Variants in ODR4 observed in about 807,000 individuals in gnomAD.
ODR4 encodes odr-4 GPCR localization factor homolog.
In ODR4, 47 loss-of-function variants were observed where a neutral mutation model predicts 60.2. The observed-to-expected ratio is 0.78, with a 90% confidence interval of 0.62 to 1.00. The LOEUF is 1.00. Ranked by LOEUF, ODR4 falls within the 50% of genes least tolerant of loss-of-function variation. The pLI, the probability that ODR4 is intolerant of heterozygous loss-of-function variation, is 0.00. For missense variants in ODR4, 488 were observed against 530.8 expected, an observed-to-expected ratio of 0.92 and a Z score of 0.79; for synonymous variants, 178 against 175.5, an observed-to-expected ratio of 1.01 and a Z score of -0.11.
At chr1:186,421,509 A>G (rs532712329), downstream of ODR4, 1 of 152,310 alleles carries the variant, frequency 6.6e-6, no homozygotes, top group Non-Finnish European at 1.5e-5. Context: ...GTTTAACCTT[A>G]AAATTGACTA....
At chr1:186,417,846 C>T (rs902664032) in intron 13 of ODR4, among the ~76,000 whole-genome samples, 192 bp downstream of exon 13, 2 of 152,034 alleles carry the variant, frequency 1.3e-5, no homozygotes, top group South Asian at 4.1e-4. Flanking sequence ...ATCTAAGTGC[C>T]CTCAAAGATG....
downstream of ODR4, among the ~76,000 whole-genome samples, chr1:186,424,856 C>G (rs1166274822): frequency 6.6e-6 from 1 of 151,452 alleles, no homozygotes; most frequent in Non-Finnish European, 1.5e-5. Context: ...ATAAGCATTT[C>G]AAGAAGAGGA....
intron 3 of ODR4, among the ~76,000 whole-genome samples, chr1:186,383,887 A>G (rs1368137231): frequency 6.6e-6 from 1 of 152,020 alleles, no homozygotes. Context: ...AAAATATGAA[A>G]AACTAGCCAG....
downstream of ODR4, among the ~76,000 whole-genome samples, chr1:186,423,740 C>A (rs1661837342): frequency 6.6e-6 from 1 of 152,084 alleles, no homozygotes; most frequent in African/African-American, 2.4e-5. Context: ...CAGGTGTGAG[C>A]CACTGCACCC....
intron 12 of ODR4, among the ~76,000 whole-genome samples, chr1:186,409,485 A>G (rs1661293218): frequency 1.3e-5 from 2 of 152,218 alleles, no homozygotes; most frequent in Non-Finnish European, 2.9e-5. Context: ...ATTTTGTCCT[A>G]TGGATTAGAG....
chr1:186,406,236 A>G lies in ODR4; in HGVS notation c.1154A>G (p.Glu385Gly). The change falls in exon 12 of 14, where the codon GAA becomes GGA. Residue 385 changes from glutamate to glycine, a missense_variant. Transcript: ENST00000287859. Reference sequence around the variant, plus strand: ...ATGTTGGATCACACAATTCAAATAGAAGATTTGGAAATTGCAGAGGAAACA... The same window carrying G: ...ATGTTGGATCACACAATTCAAATAGGAGATTTGGAAATTGCAGAGGAAACA... ...MEMLDHTIQI[E>G]DLEIAEETNT... is the part of the protein sequence containing the mutation. The G allele has an allele frequency of 6.2e-7, 1 of 1,606,356 alleles. No homozygotes were observed. The highest frequency in any genetic ancestry group is 1.7e-4 in the Middle Eastern group (1 of 6,022).
intron 12 of ODR4, among the ~76,000 whole-genome samples, chr1:186,414,264 C>A (rs898472332): frequency 6.6e-6 from 1 of 151,980 alleles, no homozygotes; most frequent in Non-Finnish European, 1.5e-5. Context: ...GGAAATAGGG[C>A]AATGAAATGT....
intron 4 of ODR4, among the ~76,000 whole-genome samples, chr1:186,387,970 T>A (rs968461304): frequency 3.9e-5 from 6 of 152,242 alleles, no homozygotes; most frequent in Non-Finnish European, 8.8e-5. Flanking sequence ...GCTAAATGGG[T>A]GACATGCTTG....
At chr1:186,428,823 T>C in the ODR4 span, among the ~76,000 whole-genome samples, 1 of 152,102 alleles carries the variant, frequency 6.6e-6, no homozygotes, top group Admixed American at 6.6e-5. Flanking sequence ...AAATGACTGA[T>C]TGGTTGAGTA....
chr1:186,429,830 C>G, the ODR4 span, among the ~76,000 whole-genome samples: 1 of 151,932 alleles, frequency 6.6e-6, no homozygotes, highest in African/African-American at 2.4e-5. Context: ...TGATTTTAAC[C>G]TAATAAATAA....
Position 186,398,376 on chromosome 1 carries a change from A to C in ODR4, c.844A>C (p.Lys282Gln), listed in dbSNP as rs1660780463. The C allele has an allele frequency of 4.3e-6, 7 of 1,611,748 alleles. No individual in the cohort carries two copies. Among genetic ancestry groups the C allele is most frequent in the Non-Finnish European group, 5.9e-6 (7 of 1,178,638 alleles). Residue 282 changes from lysine to glutamine, a missense_variant, in exon 10 of 14, where the codon AAG (lysine) becomes CAG (glutamine). By Grantham distance (53) the Lys-to-Gln change is moderately conservative. Transcript: ENST00000287859. The stretch of plus-strand genomic sequence containing the variant: ...GATATGTAGCGGTTCTGTAAACCTT[A>C]AGGGTGCTGTGAAATGCAGAGCTTA... ...VQICSGSVNLKGAVKCRAYIH... is the reference protein window; with the variant it reads ...VQICSGSVNLQGAVKCRAYIH...
At position 186,401,171 on chromosome 1, in the gene ODR4, A is replaced by G. The variant is rs780078019; in HGVS notation, c.1000+2127A>G. 1.9e-6 allele frequency: 3 copies of G among 1,589,122 alleles called. No homozygotes were observed. The Admixed American group carries it at 5.1e-5, about 27-fold the overall frequency. On this transcript the variant is annotated intron_variant, in intron 11 of 13. Coordinates refer to ENST00000287859, the MANE Select transcript of ODR4 (RefSeq NM_017847.6). ...TATCCTGGTATTCTTTCATATTGTT[A>G]GTACTTTGAAATTTTTGCTGATGTT... is the stretch of plus-strand genomic sequence containing the variant.
the ODR4 span, among the ~76,000 whole-genome samples, chr1:186,434,277 A>G: frequency 1.3e-5 from 2 of 152,162 alleles, no homozygotes; most frequent in Non-Finnish European, 2.9e-5. Context: ...ATCATTTTAC[A>G]TCTTGCTTTT....
At chr1:186,379,910 T>C (rs1160508211) in intron 2 of ODR4, 26 bp downstream of exon 2, 2 of 1,247,464 alleles carry the variant, frequency 1.6e-6, no homozygotes, top group Admixed American at 4.9e-5. Flanking sequence ...TCTGCATTTA[T>C]AACTAAATAA....
In ODR4 at chr1:186,398,450, A is replaced by G; in HGVS notation, c.909+9A>G. 1 of 1,593,724 alleles carries G rather than the reference A, an allele frequency of 6.3e-7. No individual in the cohort carries two copies. Among genetic ancestry groups the G allele is most frequent in the East Asian group, 2.3e-5 (1 of 44,246 alleles). ...TTAAAGATGCTGTGCAGGTACAAAA[A>G]GGAATAACGAGCATATGGAACCATG... On this transcript the variant is annotated intron_variant, in intron 10 of 13. Coordinates refer to ENST00000287859, the MANE Select transcript of ODR4 (RefSeq NM_017847.6).
the ODR4 span, among the ~76,000 whole-genome samples, chr1:186,426,759 C>CAA: frequency 6.6e-6 from 1 of 151,730 alleles, no homozygotes; most frequent in African/African-American, 2.4e-5. Flanking sequence ...TAGTATATGT[C>CAA]AAAAAAAGAA....
chr1:186,398,565 G>T, intron 10 of ODR4, 124 bp downstream of exon 10: 2 of 944,114 alleles, frequency 2.1e-6, no homozygotes, highest in Non-Finnish European at 3.0e-6. Context: ...ATGGCCTATT[G>T]TGCAGTCCAA....
chr1:186,431,867 A>G, the ODR4 span, among the ~76,000 whole-genome samples: 2 of 152,142 alleles, frequency 1.3e-5, no homozygotes, highest in Non-Finnish European at 2.9e-5. Flanking sequence ...ATGGTGTAGT[A>G]GAGTATTAAG....
chr1:186,386,908 A>G (rs1197842435), intron 4 of ODR4, among the ~76,000 whole-genome samples: 1 of 152,162 alleles, frequency 6.6e-6, no homozygotes. Flanking sequence ...ATTGGGTAAC[A>G]TAGTGTAAAA....
Sources: gnomAD v4.1 joint callset for allele counts (sites outside exome capture counted in the v4.1 genomes callset) on GRCh38, gnomAD v4.1.1 for gene constraint, MANE v1.5 for transcripts, NCBI Gene and HGNC (gene_info 2026-07-23, HGNC 2026-07-21) for gene names.